Variants in RNGTT observed in about 807,000 individuals in gnomAD.
The protein encoded by RNGTT is mRNA-capping enzyme.
Under a neutral mutation model 79.3 loss-of-function variants are expected in RNGTT, and 33 were observed. That is an observed-to-expected ratio of 0.42 (90% CI 0.32 to 0.56). The LOEUF is 0.56. Ranked by LOEUF, RNGTT falls within the 20% of genes least tolerant of loss-of-function variation. The probability of loss-of-function intolerance (pLI) is 0.17; values close to 1 mark genes in which losing one functional copy is unlikely to be tolerated. For missense variants in RNGTT, 497 were observed against 739.1 expected, an observed-to-expected ratio of 0.67 and a Z score of 3.80; for synonymous variants, 222 against 235.9, an observed-to-expected ratio of 0.94 and a Z score of 0.54.
At chr6:88,840,343 G>C (rs1406462195) in intron 11 of RNGTT, among the ~76,000 whole-genome samples, 1 of 152,080 alleles carries the variant, frequency 6.6e-6, no homozygotes, top group Non-Finnish European at 1.5e-5. Flanking sequence ...ACAATAATAA[G>C]AACTGAAAGT....
At chr6:88,700,897 A>C (rs1775922673) in intron 13 of RNGTT, among the ~76,000 whole-genome samples, 1 of 152,198 alleles carries the variant, frequency 6.6e-6, no homozygotes, top group Non-Finnish European at 1.5e-5. Context: ...AGTTGCATGC[A>C]TTAAAAAACC....
At chr6:88,659,090 A>G (rs1346986013) in intron 14 of RNGTT, among the ~76,000 whole-genome samples, 1 of 152,236 alleles carries the variant, frequency 6.6e-6, no homozygotes, top group Non-Finnish European at 1.5e-5. Context: ...GAACCCTGAC[A>G]TACAGGGGGA....
intron 13 of RNGTT, among the ~76,000 whole-genome samples, chr6:88,732,533 G>T (rs1163474221): frequency 6.6e-6 from 1 of 152,154 alleles, no homozygotes; most frequent in African/African-American, 2.4e-5. Flanking sequence ...TAAAAACTGT[G>T]TGTTAAAGAC....
chr6:88,918,484 G>C (rs1784067411), intron 4 of RNGTT, among the ~76,000 whole-genome samples: 1 of 152,148 alleles, frequency 6.6e-6, no homozygotes. Context: ...TTTTCAGCGG[G>C]AGGGGATTAT....
intron 13 of RNGTT, among the ~76,000 whole-genome samples, chr6:88,694,643 T>C (rs1308685838): frequency 6.6e-6 from 1 of 152,080 alleles, no homozygotes; most frequent in Non-Finnish European, 1.5e-5. Flanking sequence ...CAAGGCAATT[T>C]TGAGCAAAAA....
chr6:88,946,279 G>T (rs1785007235), intron 1 of RNGTT, among the ~76,000 whole-genome samples: 1 of 152,014 alleles, frequency 6.6e-6, no homozygotes, highest in Non-Finnish European at 1.5e-5. Context: ...AACTGTAATT[G>T]TTTTGGAGTG....
intron 1 of RNGTT, among the ~76,000 whole-genome samples, chr6:88,951,987 A>G (rs1259385837): frequency 6.6e-6 from 1 of 152,154 alleles, no homozygotes; most frequent in Non-Finnish European, 1.5e-5. Flanking sequence ...GTGGGCAGAC[A>G]GGGAGGCAGA....
At chr6:88,924,051 C>T (rs2127951410) in intron 4 of RNGTT, among the ~76,000 whole-genome samples, 1 of 152,254 alleles carries the variant, frequency 6.6e-6, no homozygotes, top group Admixed American at 6.5e-5. Context: ...TGGCCAAGGG[C>T]CACCTCAATG....
In RNGTT at chr6:88,610,116, C is replaced by A. The variant is rs958028098; in HGVS notation, c.*2603G>T. Among the ~76,000 whole-genome samples, 1 of 152,132 alleles carries A rather than the reference C, an allele frequency of 6.6e-6. No homozygotes were observed. The highest frequency in any genetic ancestry group is 1.5e-5 in the Non-Finnish European group (1 of 68,020). On this transcript the variant is annotated 3_prime_UTR_variant, in exon 16 of 16. Transcript: ENST00000369485. ...CTGTGTCAATCAAATTTCTCAGTTT[C>A]TCAGAAAGAAAAATAGAGGCTTTCC...
chr6:88,658,115 G>A (rs891856170), intron 14 of RNGTT, among the ~76,000 whole-genome samples: 6 of 152,112 alleles, frequency 3.9e-5, no homozygotes, highest in East Asian at 1.9e-4. Flanking sequence ...TCTTGAAAGC[G>A]CCACCTCCTG....
chr6:88,644,217 T>G (rs1050405316), intron 14 of RNGTT, among the ~76,000 whole-genome samples: 1 of 152,116 alleles, frequency 6.6e-6, no homozygotes, highest in Non-Finnish European at 1.5e-5. Context: ...GAAAATACTA[T>G]AAATACCTCT....
At chr6:88,738,196 T>G (rs968224412) in intron 13 of RNGTT, among the ~76,000 whole-genome samples, 1 of 141,406 alleles carries the variant, frequency 7.1e-6, no homozygotes, top group Non-Finnish European at 1.6e-5. Flanking sequence ...AGTCTGATTA[T>G]GAGAAAAACA....
chr6:88,858,925 G>A (rs1234797802), intron 8 of RNGTT, among the ~76,000 whole-genome samples: 1 of 152,110 alleles, frequency 6.6e-6, no homozygotes, highest in Non-Finnish European at 1.5e-5. Flanking sequence ...ATACTCAAGT[G>A]TAAAGAGAAA....
chr6:88,780,896 G>T (rs1779040640), intron 12 of RNGTT, among the ~76,000 whole-genome samples: 1 of 152,132 alleles, frequency 6.6e-6, no homozygotes, highest in African/African-American at 2.4e-5. Context: ...TAAAGCACTG[G>T]TTCTCAACTA....
intron 12 of RNGTT, among the ~76,000 whole-genome samples, chr6:88,782,642 A>G (rs1044332099): frequency 6.6e-6 from 1 of 152,152 alleles, no homozygotes; most frequent in African/African-American, 2.4e-5. Flanking sequence ...ATAATCTTCA[A>G]ACTATACATC....
At chr6:88,849,690 C>T in intron 10 of RNGTT, 65 bp downstream of exon 10, 5 of 1,398,314 alleles carry the variant, frequency 3.6e-6, no homozygotes, top group Non-Finnish European at 4.7e-6. Context: ...GCACCAAAGA[C>T]TATTGTCAAA....
chr6:88,700,624 C>T (rs928957570), intron 13 of RNGTT, among the ~76,000 whole-genome samples: 1 of 151,918 alleles, frequency 6.6e-6, no homozygotes, highest in African/African-American at 2.4e-5. Flanking sequence ...AGAAGTAATC[C>T]ATCCTAAGAG....
intron 13 of RNGTT, among the ~76,000 whole-genome samples, chr6:88,696,533 C>T (rs574696359): frequency 2.0e-5 from 3 of 151,522 alleles, no homozygotes; most frequent in Non-Finnish European, 1.5e-5. Flanking sequence ...CTGAAATCAT[C>T]TGAATCATCA....
At chr6:88,737,705 C>T (rs1322173479) in intron 13 of RNGTT, among the ~76,000 whole-genome samples, 1 of 152,128 alleles carries the variant, frequency 6.6e-6, no homozygotes, top group African/African-American at 2.4e-5. Context: ...AGAGCATCCG[C>T]GACTCAAGGG....
Sources: gnomAD v4.1 joint callset for allele counts (sites outside exome capture counted in the v4.1 genomes callset) on GRCh38, gnomAD v4.1.1 for gene constraint, MANE v1.5 for transcripts, NCBI Gene and HGNC (gene_info 2026-07-23, HGNC 2026-07-21) for gene names.